The following KIRREL3 variants were observed in gnomAD, a reference collection of about 807,000 sequenced individuals.
The protein encoded by KIRREL3 is kin of IRRE-like protein 3.
A neutral mutation model predicts 89.7 loss-of-function variants in KIRREL3; 36 were observed. The observed-to-expected ratio is 0.40, with a 90% CI of 0.31 to 0.53. KIRREL3 has a LOEUF of 0.53. Among genes scored for constraint, KIRREL3 ranks in the 20% least tolerant of loss-of-function variants. The pLI, the probability that KIRREL3 is intolerant of heterozygous loss-of-function variation, is 0.49. For missense variants in KIRREL3, 864 were observed against 1,056.6 expected (o/e 0.82, Z 2.53); for synonymous variants, 445 against 441.4 (o/e 1.01, Z -0.10).
At position 126,636,426 on chromosome 11, in the gene KIRREL3, G is replaced by A. The variant is rs142586068; in HGVS notation, c.56-73514C>T. On this transcript the variant is annotated intron_variant, in intron 1 of 16. Transcript: ENST00000525144. The surrounding 1 kb of genome is among the most constrained non-coding windows in gnomAD (Gnocchi z 4.4). The stretch of plus-strand genomic sequence containing the variant: ...CTTTCTCCCTTCTGGCACTTGTTCT[G>A]TTGAGAGTCTGTGATGCCCAAACCT... Among the ~76,000 whole-genome samples the A allele has an allele frequency of 4.3e-3, 650 of 152,244 alleles. 7 individuals are homozygous for A. The highest frequency in any genetic ancestry group is 0.015 in the African/African-American group (613 of 41,534).
At chr11:126,863,568 T>C (rs1423264346) in intron 1 of KIRREL3, among the ~76,000 whole-genome samples, 1 of 146,942 alleles carries the variant, frequency 6.8e-6, no homozygotes, top group Non-Finnish European at 1.5e-5. Flanking sequence ...TGTGAGTGTG[T>C]TTGACTGCGT....
chr11:126,597,043 T>C (rs1942430109), intron 1 of KIRREL3, among the ~76,000 whole-genome samples: 1 of 152,226 alleles, frequency 6.6e-6, no homozygotes, highest in South Asian at 2.1e-4. Flanking sequence ...TGGAGTGTGG[T>C]AGCCAGACAG....
rs985316341 is a variant in KIRREL3 at position 126,985,195 on chromosome 11, T to C, written c.55+15260A>G. ...GAGCACGTTCTCTGATGAAACACTT[T>C]CATGGGTTTGCAAGTGAAATGCTGG... is the stretch of plus-strand genomic sequence containing the variant. On this transcript the variant is annotated intron_variant, in intron 1 of 16. Transcript: ENST00000525144. The surrounding 1 kb of genome is among the most constrained non-coding windows in gnomAD (Gnocchi z 5.3). Among the ~76,000 whole-genome samples, 7 of 152,262 alleles carry C rather than the reference T, an allele frequency of 4.6e-5. No individual in the cohort carries two copies. Among genetic ancestry groups the C allele is most frequent in the African/African-American group, 1.7e-4 (7 of 41,552 alleles).
At position 126,432,417 on chromosome 11, in the gene KIRREL3, C is replaced by G. The variant is rs1172878585; in HGVS notation, c.1589-891G>C. ...TGGGGTCGGAGCACATGATTTAGGG[C>G]CTTGAGGAATCCATCAGGAATAGAA... On this transcript the variant is annotated intron_variant, in intron 13 of 16. Transcript: ENST00000525144. This position sits in a 1 kb window ranked among gnomAD's most constrained non-coding sequence, Gnocchi z 6.2. Among the ~76,000 whole-genome samples the G allele has an allele frequency of 6.6e-6, 1 of 152,118 alleles. No homozygotes were observed. Among genetic ancestry groups the G allele is most frequent in the African/African-American group, 2.4e-5 (1 of 41,426 alleles).
intron 5 of KIRREL3, among the ~76,000 whole-genome samples, chr11:126,465,363 G>A (rs1358858859): frequency 6.6e-6 from 1 of 152,178 alleles, no homozygotes; most frequent in Non-Finnish European, 1.5e-5. Context: ...GGTGGAGCTA[G>A]GATTTGCACT....
At chr11:126,799,463 T>C in intron 1 of KIRREL3, among the ~76,000 whole-genome samples, 1 of 151,902 alleles carries the variant, frequency 6.6e-6, no homozygotes, top group South Asian at 2.1e-4. Context: ...TCTGTGTGCA[T>C]GTGTGTATCT....
chr11:126,862,189 C>T (rs983763647), intron 1 of KIRREL3, among the ~76,000 whole-genome samples: 2 of 152,206 alleles, frequency 1.3e-5, no homozygotes, highest in African/African-American at 2.4e-5. Flanking sequence ...TGTTTTGCTC[C>T]TGATGATAAA....
chr11:126,453,320 A>C (rs1441026933), intron 7 of KIRREL3, among the ~76,000 whole-genome samples: 1 of 152,056 alleles, frequency 6.6e-6, no homozygotes, highest in African/African-American at 2.4e-5. Flanking sequence ...AAAGGGCCCC[A>C]AAGCACTTTG....
At chr11:126,774,445 A>G (rs961319060) in intron 1 of KIRREL3, among the ~76,000 whole-genome samples, 1 of 152,132 alleles carries the variant, frequency 6.6e-6, no homozygotes, top group Non-Finnish European at 1.5e-5. Context: ...ACAAAGAGCT[A>G]TGGGTGAGAT....
chr11:126,692,172 G>A (rs1267156483), intron 1 of KIRREL3, among the ~76,000 whole-genome samples: 1 of 152,098 alleles, frequency 6.6e-6, no homozygotes, highest in Non-Finnish European at 1.5e-5. Context: ...CTTCTGAGTA[G>A]ACATCCAGAA....
At position 126,459,238 on chromosome 11, in the gene KIRREL3, G is replaced by T. The variant is rs1174125415; in HGVS notation, c.743-2784C>A. ...GTTCCAGGAGGCCCTTCCCTCACCT[G>T]GGGGTCTTTTCTAAAGTGATGAGGT... On this transcript the variant is annotated intron_variant, in intron 6 of 16. Transcript: ENST00000525144. The surrounding 1 kb of genome is among the most constrained non-coding windows in gnomAD (Gnocchi z 4.8). 6.6e-6 allele frequency among the ~76,000 whole-genome samples: 1 copy of T among 151,860 alleles called. No homozygotes were observed.
At chr11:126,901,312 A>G (rs912434869) in intron 1 of KIRREL3, among the ~76,000 whole-genome samples, 1 of 151,726 alleles carries the variant, frequency 6.6e-6, no homozygotes, top group Non-Finnish European at 1.5e-5. Flanking sequence ...CTTAGCTCTC[A>G]CCATTTTCTT....
At chr11:126,793,159 A>C (rs541980612) in intron 1 of KIRREL3, among the ~76,000 whole-genome samples, 47 of 151,342 alleles carry the variant, frequency 3.1e-4, no homozygotes, top group Non-Finnish European at 4.9e-4. Flanking sequence ...AAAACAGCAG[A>C]GGACAAGATA....
chr11:126,663,053 G>A (rs370495336), intron 1 of KIRREL3, among the ~76,000 whole-genome samples: 110 of 151,850 alleles, frequency 7.2e-4, no homozygotes, highest in African/African-American at 2.5e-3. Context: ...GATACTGCCC[G>A]ATCTTGGCAA....
intron 1 of KIRREL3, among the ~76,000 whole-genome samples, chr11:126,649,702 C>T (rs999326429): frequency 1.3e-5 from 2 of 152,196 alleles, no homozygotes; most frequent in Admixed American, 6.5e-5. Context: ...GCTGCTTTCA[C>T]AGGCTGACAT....
rs548972421 is a variant in KIRREL3 at position 126,544,957 on chromosome 11, C to T, written c.133+17878G>A. Among the ~76,000 whole-genome samples the T allele has an allele frequency of 1.5e-4, 23 of 152,246 alleles. No individual in the cohort carries two copies. Among genetic ancestry groups the T allele is most frequent in the East Asian group, 5.8e-4 (3 of 5,182 alleles). ...AAACTCAACGTGCAACATTGCCTTA[C>T]GCAATCTAATAAATTACTTGGTACC... On this transcript the variant is annotated intron_variant, in intron 2 of 16. Coordinates refer to ENST00000525144, the MANE Select transcript of KIRREL3 (RefSeq NM_032531.4). This position sits in a 1 kb window ranked among gnomAD's most constrained non-coding sequence, Gnocchi z 5.6.
At position 126,912,923 on chromosome 11, in the gene KIRREL3, C is replaced by T. The variant is rs7105810; in HGVS notation, c.55+87532G>A. 0.22 allele frequency among the ~76,000 whole-genome samples: 33,724 copies of T among 152,126 alleles called. 4,670 individuals carry two copies. Among genetic ancestry groups the T allele is most frequent in the African/African-American group, 0.4 (16,774 of 41,476 alleles). On this transcript the variant is annotated intron_variant, in intron 1 of 16. Transcript: ENST00000525144. This position sits in a 1 kb window ranked among gnomAD's most constrained non-coding sequence, Gnocchi z 4.7. ...GAGGAGGGCATGCAGAGTGGTGACA[C>T]CTGGGGTGCACCCATCAGTCTAAGT...
chr11:126,663,293 C>T, intron 1 of KIRREL3, among the ~76,000 whole-genome samples: 1 of 143,788 alleles, frequency 7.0e-6, no homozygotes, highest in East Asian at 2.2e-4. Context: ...TCAAGTGATT[C>T]TCCTGCCTCA....
At position 126,771,029 on chromosome 11, in the gene KIRREL3, T is replaced by C. The variant is rs1486259641; in HGVS notation, c.56-208117A>G. 6.6e-6 allele frequency among the ~76,000 whole-genome samples: 1 copy of C among 151,944 alleles called. No homozygotes were observed. The highest frequency in any genetic ancestry group is 6.6e-5 in the Admixed American group (1 of 15,258). ...TTTTGCATTTTTAGTAGAGATGGAG[T>C]TTTGCCATGTTGACCGGGCTGGGAT... On this transcript the variant is annotated intron_variant, in intron 1 of 16. Coordinates refer to ENST00000525144, the MANE Select transcript of KIRREL3 (RefSeq NM_032531.4). This position sits in a 1 kb window ranked among gnomAD's most constrained non-coding sequence, Gnocchi z 4.4.
Sources: allele counts gnomAD v4.1 joint callset (sites outside exome capture counted in the v4.1 genomes callset), GRCh38; gene constraint gnomAD v4.1.1; non-coding constraint Gnocchi (gnomAD v3.1); transcripts MANE v1.5; gene names NCBI Gene and HGNC (gene_info 2026-07-23, HGNC 2026-07-21).